Variants in KCNS3 observed in about 807,000 individuals in gnomAD.
The protein encoded by KCNS3 is potassium voltage-gated channel modifier subfamily S member 3.
A neutral mutation model predicts 31.0 loss-of-function variants in KCNS3; 13 were observed. The ratio of observed to expected loss-of-function variants is 0.42; its 90% CI spans 0.27 to 0.67. KCNS3 has a LOEUF of 0.67. Ranked by LOEUF, KCNS3 falls within the 30% of genes least tolerant of loss-of-function variation. KCNS3 has a pLI of 0.25. For missense variants in KCNS3, 545 were observed against 622.4 expected (o/e 0.88, Z 1.32); for synonymous variants, 238 against 241.5 (o/e 0.99, Z 0.13).
At position 17,925,355 on chromosome 2, in the gene KCNS3, G is replaced by A. The variant is rs571072678; in HGVS notation, c.-59-5595G>A. Among the ~76,000 whole-genome samples the A allele has an allele frequency of 2.6e-5, 4 of 152,290 alleles. No individual in the cohort carries two copies. The East Asian group carries it at 5.8e-4, about 22-fold the overall frequency. ...ATTCTCTCTGAAGTTGCTATCTGGA[G>A]GCTTCATCTGCATGATAAAACCTTG... On this transcript the variant is annotated intron_variant, in intron 2 of 2. Transcript: ENST00000304101.
intron 1 of KCNS3, among the ~76,000 whole-genome samples, chr2:17,903,937 T>C (rs1293680576): frequency 6.6e-6 from 1 of 152,224 alleles, no homozygotes; most frequent in Non-Finnish European, 1.5e-5. Context: ...TGTGCCTTTA[T>C]AGCAGCATGA....
At chr2:17,921,913 G>GTA (rs1373281256) in intron 2 of KCNS3, among the ~76,000 whole-genome samples, 819 of 33,668 alleles carry the variant, frequency 0.024, 5 homozygotes, top group African/African-American at 0.038. Flanking sequence ...GTGTGTGTGT[G>GTA]TGTATATATA....
At chr2:17,891,984 CGGGGAGGTTTT>C (rs1661866895) in intron 1 of KCNS3, among the ~76,000 whole-genome samples, 1 of 152,114 alleles carries the variant, frequency 6.6e-6, no homozygotes, top group African/African-American at 2.4e-5. Context: ...CTAGCATGGC[CGGGGAGGTTTT>C]CCTTTATTGT....
chr2:17,889,433 T>G (rs927190782), intron 1 of KCNS3, among the ~76,000 whole-genome samples: 3 of 152,190 alleles, frequency 2.0e-5, no homozygotes, highest in Non-Finnish European at 4.4e-5. Flanking sequence ...TTCTCTTGTC[T>G]GATTGCTCTG....
intron 1 of KCNS3, among the ~76,000 whole-genome samples, chr2:17,913,644 C>A (rs990267586): frequency 2.0e-5 from 3 of 152,204 alleles, no homozygotes; most frequent in African/African-American, 7.2e-5. Flanking sequence ...GTATCCCCAG[C>A]CCCTGTCAGC....
At chr2:17,881,622 G>T (rs1674644884) in intron 1 of KCNS3, among the ~76,000 whole-genome samples, 1 of 152,236 alleles carries the variant, frequency 6.6e-6, no homozygotes, top group Admixed American at 6.5e-5. Context: ...GACAAACTGA[G>T]TAACTTGTAC....
upstream of KCNS3, chr2:17,878,036 C>T (rs1389583847): frequency 6.6e-6 from 1 of 152,220 alleles, no homozygotes; most frequent in African/African-American, 2.4e-5. Flanking sequence ...CCAAGCACCT[C>T]TTCTGACTCG....
At chr2:17,902,022 G>T (rs1181467464) in intron 1 of KCNS3, among the ~76,000 whole-genome samples, 1 of 152,098 alleles carries the variant, frequency 6.6e-6, no homozygotes, top group East Asian at 1.9e-4. Context: ...TGTGACCCCA[G>T]ATTTAAGATT....
At chr2:17,884,174 G>A (rs947561087) in intron 1 of KCNS3, among the ~76,000 whole-genome samples, 1 of 148,128 alleles carries the variant, frequency 6.8e-6, no homozygotes, top group Non-Finnish European at 1.5e-5. Flanking sequence ...GTTAGTGGGT[G>A]CAGCACACCA....
chr2:17,912,845 C>T (rs4832517), intron 1 of KCNS3, among the ~76,000 whole-genome samples: 3,059 of 152,296 alleles, frequency 0.02, 145 homozygotes, highest in Admixed American at 0.12. Context: ...TGGTTTGTCC[C>T]TGAATATATT....
chr2:17,898,831 G>C (rs1455872197), intron 1 of KCNS3, among the ~76,000 whole-genome samples: 2 of 152,194 alleles, frequency 1.3e-5, no homozygotes, highest in South Asian at 2.1e-4. Context: ...GGTCTACCTA[G>C]AGTGGGTCAA....
chr2:17,896,752 A>T (rs1662039265), intron 1 of KCNS3, among the ~76,000 whole-genome samples: 1 of 152,138 alleles, frequency 6.6e-6, no homozygotes, highest in South Asian at 2.1e-4. Flanking sequence ...GACAGGTGGT[A>T]TGGGCTCAGC....
intron 1 of KCNS3, among the ~76,000 whole-genome samples, chr2:17,885,843 T>C (rs1661643128): frequency 6.6e-6 from 1 of 152,130 alleles, no homozygotes; most frequent in African/African-American, 2.4e-5. Context: ...AGTTAACACA[T>C]AAAATTAGCC....
rs35186900 is a variant in KCNS3, at chr2:17,931,047, C to A, written c.39C>A (p.Asp13Glu). 1 of 1,613,864 alleles carries A rather than the reference C, an allele frequency of 6.2e-7. No individual in the cohort carries two copies. The highest frequency in any genetic ancestry group is 8.5e-7 in the Non-Finnish European group (1 of 1,179,966). Residue 13 changes from aspartate to glutamate, a missense_variant, in exon 3 of 3, where the codon GAC (aspartate) becomes GAA (glutamate). Coordinates refer to ENST00000304101, the MANE Select transcript of KCNS3 (RefSeq NM_002252.5). This position sits in a 1 kb window ranked among gnomAD's most constrained non-coding sequence, Gnocchi z 5.4. ...AGTTTTTCCATCGCCCTGGACAAGA[C>A]GAGGAACTTGTCAACCTGAATGTGG... is the stretch of plus-strand genomic sequence containing the variant. ...FGEFFHRPGQ[D>E]EELVNLNVGG...
intron 1 of KCNS3, among the ~76,000 whole-genome samples, chr2:17,898,594 G>T (rs937015261): frequency 1.3e-5 from 2 of 152,116 alleles, no homozygotes; most frequent in South Asian, 4.1e-4. Flanking sequence ...TGTGTCCAAA[G>T]AACCCTAATA....
chr2:17,929,030 G>C (rs1044666734), intron 2 of KCNS3, among the ~76,000 whole-genome samples: 28 of 152,218 alleles, frequency 1.8e-4, no homozygotes, highest in African/African-American at 6.8e-4. Flanking sequence ...TCACGCTGCT[G>C]TCATTGGCGG....
chr2:17,894,580 TAGGA>T (rs1205566092), intron 1 of KCNS3, among the ~76,000 whole-genome samples: 1 of 152,222 alleles, frequency 6.6e-6, no homozygotes, highest in East Asian at 1.9e-4. Context: ...CTGACTTCAG[TAGGA>T]AACTCACAGA....
At chr2:17,881,234 C>G (rs1674637019) in intron 1 of KCNS3, among the ~76,000 whole-genome samples, 1 of 152,180 alleles carries the variant, frequency 6.6e-6, no homozygotes, top group African/African-American at 2.4e-5. Context: ...GGAAGGACGA[C>G]TCTGCAGGGT....
chr2:17,893,066 G>T (rs1017018496), intron 1 of KCNS3, among the ~76,000 whole-genome samples: 2 of 152,180 alleles, frequency 1.3e-5, no homozygotes, highest in African/African-American at 4.8e-5. Context: ...AGGCACATGT[G>T]TCTGAGCTCA....
Sources: allele counts gnomAD v4.1 joint callset (sites outside exome capture counted in the v4.1 genomes callset), GRCh38; gene constraint gnomAD v4.1.1; non-coding constraint Gnocchi (gnomAD v3.1); transcripts MANE v1.5; gene names NCBI Gene and HGNC (gene_info 2026-07-23, HGNC 2026-07-21).